ATXN1: variants seen among roughly 807,000 people sequenced by gnomAD.
ATXN1 encodes ataxin 1.
In ATXN1, 8 loss-of-function variants were observed where a neutral mutation model predicts 56.4. That is an observed-to-expected ratio of 0.14 (90% CI 0.08 to 0.26). The LOEUF (loss-of-function observed/expected upper bound fraction) is 0.26. ATXN1 is among the 10% of genes least tolerant of loss of function. ATXN1 has a pLI of 1.00. For missense variants in ATXN1, 987 were observed against 1,106.5 expected, an observed-to-expected ratio of 0.89 and a Z score of 1.53; for synonymous variants, 514 against 494.6, an observed-to-expected ratio of 1.04 and a Z score of -0.52.
chr6:16,427,110 T>C (rs541757928), intron 6 of ATXN1, among the ~76,000 whole-genome samples: 20 of 152,262 alleles, frequency 1.3e-4, no homozygotes, highest in African/African-American at 4.6e-4. Flanking sequence ...TGTCCTTGAC[T>C]GGGGGCCATG....
intron 5 of ATXN1, among the ~76,000 whole-genome samples, chr6:16,501,593 G>C (rs983078820): frequency 6.6e-6 from 1 of 152,084 alleles, no homozygotes; most frequent in African/African-American, 2.4e-5. Flanking sequence ...CTGTTCCTGT[G>C]TTAGTTTGCT....
chr6:16,745,098 C>G (rs1212666514), intron 2 of ATXN1, among the ~76,000 whole-genome samples: 1 of 152,040 alleles, frequency 6.6e-6, no homozygotes, highest in African/African-American at 2.4e-5. Context: ...ACTTTAAAAC[C>G]AAAGAGCCTA....
At chr6:16,540,607 G>A (rs533408905) in intron 4 of ATXN1, among the ~76,000 whole-genome samples, 2 of 152,292 alleles carry the variant, frequency 1.3e-5, no homozygotes, top group South Asian at 4.1e-4. Context: ...TAGGTAAAGT[G>A]CCTGAAGTCA....
intron 5 of ATXN1, among the ~76,000 whole-genome samples, chr6:16,501,558 G>T (rs185155558): frequency 6.6e-6 from 1 of 152,126 alleles, no homozygotes; most frequent in African/African-American, 2.4e-5. Flanking sequence ...CCTACTATGA[G>T]TGAGAACATG....
chr6:16,519,883 C>A (rs1761253150), intron 5 of ATXN1, among the ~76,000 whole-genome samples: 1 of 152,110 alleles, frequency 6.6e-6, no homozygotes. Flanking sequence ...TAGATAGTAA[C>A]CATTACGAAA....
chr6:16,515,733 C>T (rs939674590), intron 5 of ATXN1, among the ~76,000 whole-genome samples: 3 of 152,146 alleles, frequency 2.0e-5, no homozygotes, highest in Non-Finnish European at 4.4e-5. Context: ...TGTCTGGAAG[C>T]CCCTCTTCGT....
chr6:16,393,816 G>C (rs541109722), intron 6 of ATXN1, among the ~76,000 whole-genome samples: 244 of 152,116 alleles, frequency 1.6e-3, no homozygotes, highest in Middle Eastern at 3.4e-3. Flanking sequence ...AGGAGTTCAA[G>C]ACCAGTCTGG....
intron 2 of ATXN1, among the ~76,000 whole-genome samples, chr6:16,710,995 A>G (rs1257134913): frequency 6.6e-6 from 1 of 151,948 alleles, no homozygotes; most frequent in Non-Finnish European, 1.5e-5. Context: ...CGATCCTCCC[A>G]CCTCAGCCTC....
At chr6:16,612,151 G>A (rs988419910) in intron 3 of ATXN1, among the ~76,000 whole-genome samples, 2 of 151,880 alleles carry the variant, frequency 1.3e-5, no homozygotes, top group African/African-American at 2.4e-5. Flanking sequence ...GAGCCACCGC[G>A]CCCGGCCAGC....
intron 6 of ATXN1, among the ~76,000 whole-genome samples, chr6:16,329,964 C>A (rs1057277767): frequency 6.6e-6 from 1 of 152,238 alleles, no homozygotes; most frequent in African/African-American, 2.4e-5. Flanking sequence ...TAGGTATGCA[C>A]AGTGCAACAT....
intron 6 of ATXN1, among the ~76,000 whole-genome samples, chr6:16,409,730 G>A (rs1758759778): frequency 6.7e-6 from 1 of 150,094 alleles, no homozygotes; most frequent in Non-Finnish European, 1.5e-5. Context: ...TAAAATTGTT[G>A]TAAGACAATT....
rs769091061 is a variant in ATXN1, at chr6:16,327,633, G to GTGGTGCTGCTGCTGC, written c.677_678insGCAGCAGCAGCACCA (p.Gln225_His226insGlnGlnGlnGlnHis). On this transcript the variant is annotated inframe_insertion, in exon 7 of 8. Coordinates refer to ENST00000436367, the MANE Select transcript of ATXN1 (RefSeq NM_001128164.2). The stretch of plus-strand genomic sequence containing the variant: ...TGATGAGCCCCGGAGCCCTGCTGAG[G>GTGGTGCTGCTGCTGC]TGCTGCTGCTGCTGCTGCTGCTGCT... 263 of 1,451,666 alleles carry GTGGTGCTGCTGCTGC rather than the reference G, an allele frequency of 1.8e-4. No homozygotes were observed. In the African/African-American group the frequency reaches 3.3e-3, roughly 18 times the overall value. 89.9% of individuals were successfully genotyped at this position (1,451,666 alleles called of 1,614,324 possible).
chr6:16,543,630 C>A (rs1284210380), intron 4 of ATXN1, among the ~76,000 whole-genome samples: 1 of 85,614 alleles, frequency 1.2e-5, no homozygotes, highest in East Asian at 6.6e-4. Context: ...CAGCTATTTT[C>A]CTAAAAAAAA....
At chr6:16,395,403 C>A (rs1473449487) in intron 6 of ATXN1, among the ~76,000 whole-genome samples, 2 of 152,018 alleles carry the variant, frequency 1.3e-5, no homozygotes, top group Non-Finnish European at 2.9e-5. Context: ...AAGTCATGCA[C>A]CACATAACAA....
chr6:16,404,589 CAG>C (rs1055332242), intron 6 of ATXN1, among the ~76,000 whole-genome samples: 3 of 152,226 alleles, frequency 2.0e-5, no homozygotes, highest in African/African-American at 7.2e-5. Flanking sequence ...CGACTTTTAC[CAG>C]AGTCTGCCTG....
At chr6:16,430,784 C>A (rs1222566572) in intron 6 of ATXN1, among the ~76,000 whole-genome samples, 1 of 151,906 alleles carries the variant, frequency 6.6e-6, no homozygotes, top group Non-Finnish European at 1.5e-5. Flanking sequence ...ATCTTGCCAA[C>A]CATATTTCAT....
At chr6:16,448,658 A>G (rs984601455) in intron 6 of ATXN1, among the ~76,000 whole-genome samples, 1 of 152,202 alleles carries the variant, frequency 6.6e-6, no homozygotes, top group Non-Finnish European at 1.5e-5. Context: ...AGTGTCTTAC[A>G]TTGCCCAACA....
chr6:16,701,382 G>A (rs1416120497), intron 2 of ATXN1, among the ~76,000 whole-genome samples: 2 of 152,322 alleles, frequency 1.3e-5, no homozygotes, highest in East Asian at 1.9e-4. Context: ...ACGGGGCAGA[G>A]AAGGGGAGAA....
intron 3 of ATXN1, among the ~76,000 whole-genome samples, chr6:16,618,114 G>A (rs1466605416): frequency 6.6e-6 from 1 of 151,924 alleles, no homozygotes; most frequent in Non-Finnish European, 1.5e-5. Context: ...TCCTTTACAG[G>A]GACATGGATG....
Sources: gnomAD v4.1 joint callset for allele counts (sites outside exome capture counted in the v4.1 genomes callset) on GRCh38, gnomAD v4.1.1 for gene constraint, MANE v1.5 for transcripts, NCBI Gene and HGNC (gene_info 2026-07-23, HGNC 2026-07-21) for gene names.